Variants in MAP4K3 observed in about 807,000 individuals in gnomAD.
MAP4K3 encodes the protein MAPK/ERK kinase kinase kinase 3.
In MAP4K3, 94 loss-of-function variants were observed where a neutral mutation model predicts 143.5. The observed-to-expected ratio is 0.65, with a 90% CI of 0.55 to 0.78. The LOEUF is 0.78. Among genes scored for constraint, MAP4K3 ranks in the 30% least tolerant of loss-of-function variants. The probability of loss-of-function intolerance (pLI) is 0.00; values close to 1 mark genes in which losing one functional copy is unlikely to be tolerated. For synonymous variants in MAP4K3, 416 were observed against 347.2 expected, an observed-to-expected ratio of 1.20 and a Z score of -2.20; for missense variants, 1,077 against 1,068.1, an observed-to-expected ratio of 1.01 and a Z score of -0.12.
In MAP4K3 at chr2:39,346,921, G is replaced by A. The variant is rs553191757; in HGVS notation, c.246-3469C>T. Reference sequence around the variant, plus strand: ...CCAATTTGGATATATCTAGAATGCAGGATTCCATAACCTGATCTCTATAGG... The same window carrying A: ...CCAATTTGGATATATCTAGAATGCAAGATTCCATAACCTGATCTCTATAGG... On this transcript the variant is annotated intron_variant, in intron 3 of 33. Coordinates refer to ENST00000263881, the MANE Select transcript of MAP4K3 (RefSeq NM_003618.4). Among the ~76,000 whole-genome samples the A allele has an allele frequency of 4.6e-5, 7 of 151,876 alleles. No individual in the cohort carries two copies. In the South Asian group the frequency reaches 1.5e-3, roughly 32 times the overall value.
rs562084578 is a variant in MAP4K3 at position 39,426,091 on chromosome 2, A to T, written c.96+10801T>A. Among the ~76,000 whole-genome samples, 117 of 152,306 alleles carry T rather than the reference A, an allele frequency of 7.7e-4. 1 individual carries two copies. The highest frequency in any genetic ancestry group is 2.5e-3 in the African/African-American group (103 of 41,574). On this transcript the variant is annotated intron_variant, in intron 1 of 33. Coordinates refer to ENST00000263881, the MANE Select transcript of MAP4K3 (RefSeq NM_003618.4). Reference sequence around the variant, plus strand: ...AAACTTGGCACACCCACCTTAACCAAATAATCAAAATCAACATTAATAAGG... The same window carrying T: ...AAACTTGGCACACCCACCTTAACCATATAATCAAAATCAACATTAATAAGG...
chr2:39,329,675 G>A (rs982556161), intron 8 of MAP4K3, among the ~76,000 whole-genome samples: 2 of 152,150 alleles, frequency 1.3e-5, no homozygotes, highest in African/African-American at 4.8e-5. Flanking sequence ...GGACCAAGAC[G>A]AAGAAGAGAG....
At position 39,325,830 on chromosome 2, in the gene MAP4K3, T is replaced by G. The variant is rs1683471815; in HGVS notation, c.726-19A>C. On this transcript the variant is annotated intron_variant, in intron 10 of 33. Transcript: ENST00000263881. The stretch of plus-strand genomic sequence containing the variant: ...ATTTGACCTAAGAAATTTAGAAAAT[T>G]AGACTTTTACATTCCAATTCATTTT... 1 of 1,583,718 alleles carries G rather than the reference T, an allele frequency of 6.3e-7. No individual in the cohort carries two copies. The highest frequency in any genetic ancestry group is 1.2e-5 in the South Asian group (1 of 86,870).
chr2:39,330,890 C>A (rs961146563), intron 8 of MAP4K3, among the ~76,000 whole-genome samples: 1 of 152,034 alleles, frequency 6.6e-6, no homozygotes, highest in Non-Finnish European at 1.5e-5. Flanking sequence ...GCAAAGTACA[C>A]TGGAAAGATA....
rs372801206 is a variant in MAP4K3, at chr2:39,258,444, G to C, written c.2378-4C>G. 2.5e-6 allele frequency: 4 copies of C among 1,606,292 alleles called. No homozygotes were observed. The highest frequency in any genetic ancestry group is 2.7e-5 in the African/African-American group (2 of 74,484). ...AGATTTACTATTTTTATACAACCTA[G>C]AGGAAAAAAAGTCACTCAGAAACTA... is the stretch of plus-strand genomic sequence containing the variant. On this transcript the variant is annotated splice_region_variant and splice_polypyrimidine_tract_variant and intron_variant, in intron 30 of 33. Transcript: ENST00000263881.
chr2:39,278,510 C>A (rs1681374152), intron 23 of MAP4K3, 24 bp from the exon 24 acceptor site: 1 of 1,307,988 alleles, frequency 7.6e-7, no homozygotes, highest in Non-Finnish European at 1.1e-6. Context: ...AATTCACTGA[C>A]TGATTTTGGT....
intron 32 of MAP4K3, among the ~76,000 whole-genome samples, chr2:39,253,507 A>C (rs749164901): frequency 6.6e-6 from 1 of 152,188 alleles, no homozygotes; most frequent in Non-Finnish European, 1.5e-5. Flanking sequence ...TCATTTAATC[A>C]TAACAACTCA....
intron 32 of MAP4K3, among the ~76,000 whole-genome samples, chr2:39,253,479 C>T (rs956320385): frequency 6.6e-6 from 1 of 152,124 alleles, no homozygotes; most frequent in Non-Finnish European, 1.5e-5. Context: ...CCAGGCCAAG[C>T]ACATTACACG....
chr2:39,415,309 AT>A (rs1394770478), intron 1 of MAP4K3, among the ~76,000 whole-genome samples: 4 of 152,240 alleles, frequency 2.6e-5, no homozygotes, highest in Non-Finnish European at 5.9e-5. Context: ...ACAAAGGAAA[AT>A]TTGACAAGTT....
At chr2:39,381,402 T>C (rs1370174407) in intron 1 of MAP4K3, among the ~76,000 whole-genome samples, 1 of 152,226 alleles carries the variant, frequency 6.6e-6, no homozygotes, top group South Asian at 2.1e-4. Flanking sequence ...ATCAGTCACA[T>C]GATTTGCAAG....
intron 26 of MAP4K3, among the ~76,000 whole-genome samples, chr2:39,268,564 G>A (rs998731346): frequency 6.0e-5 from 9 of 149,932 alleles, no homozygotes; most frequent in African/African-American, 1.5e-4. Flanking sequence ...CAGGTGATCC[G>A]TCCGCCTCGG....
intron 20 of MAP4K3, 89 bp from the exon 21 acceptor site, chr2:39,287,053 C>T: frequency 5.8e-6 from 4 of 690,216 alleles, no homozygotes; most frequent in Non-Finnish European, 9.6e-6. Context: ...AAAATATTAA[C>T]TCTGACATAG....
intron 2 of MAP4K3, among the ~76,000 whole-genome samples, chr2:39,363,658 G>C (rs926868107): frequency 1.8e-4 from 19 of 103,146 alleles, no homozygotes; most frequent in Middle Eastern, 0.01. Context: ...AATAGAGTGA[G>C]ACTCTGTCTC....
chr2:39,258,817 C>T (rs920844012), intron 29 of MAP4K3, among the ~76,000 whole-genome samples: 4 of 152,142 alleles, frequency 2.6e-5, no homozygotes, highest in Admixed American at 6.5e-5. Flanking sequence ...ACTGGCAATG[C>T]GGAACACATG....
At position 39,289,155 on chromosome 2, in the gene MAP4K3, T is replaced by A. The variant is rs1681923303; in HGVS notation, c.1315-875A>T. Among the ~76,000 whole-genome samples, 5 of 152,120 alleles carry A rather than the reference T, an allele frequency of 3.3e-5. No individual in the cohort carries two copies. In the South Asian group the frequency reaches 1.0e-3, roughly 32 times the overall value. ...ACTTTCTGTACAAACAATGGAAAAA[T>A]CTACAGTTGGCTGACGGTTTGTAGA... is the stretch of plus-strand genomic sequence containing the variant. On this transcript the variant is annotated intron_variant, in intron 19 of 33. Transcript: ENST00000263881.
chr2:39,355,434 G>T (rs1367956696), intron 3 of MAP4K3, among the ~76,000 whole-genome samples: 1 of 150,744 alleles, frequency 6.6e-6, no homozygotes, highest in South Asian at 2.1e-4. Flanking sequence ...ATGAGGCTGA[G>T]GTGGGAGGAT....
intron 1 of MAP4K3, among the ~76,000 whole-genome samples, chr2:39,410,894 G>T (rs554513621): frequency 3.3e-5 from 5 of 152,108 alleles, no homozygotes; most frequent in Non-Finnish European, 5.9e-5. Context: ...AATTGTTTTT[G>T]TATGTCATCT....
chr2:39,262,049 T>C (rs1265031136), intron 28 of MAP4K3, among the ~76,000 whole-genome samples: 2 of 152,026 alleles, frequency 1.3e-5, no homozygotes, highest in South Asian at 2.1e-4. Flanking sequence ...TTCATTCTTA[T>C]ATATTTTATA....
intron 32 of MAP4K3, among the ~76,000 whole-genome samples, 192 bp from the exon 33 acceptor site, chr2:39,252,077 G>A (rs1680173849): frequency 6.6e-6 from 1 of 152,164 alleles, no homozygotes. Context: ...TTAATTTTGA[G>A]TTAATCATAA....
Sources: allele counts gnomAD v4.1 joint callset (sites outside exome capture counted in the v4.1 genomes callset), GRCh38; gene constraint gnomAD v4.1.1; transcripts MANE v1.5; gene names NCBI Gene and HGNC (gene_info 2026-07-23, HGNC 2026-07-21).